The following SCFD2 variants were observed in gnomAD, a reference collection of about 807,000 sequenced individuals.
The protein encoded by SCFD2 is sec1 family domain-containing protein 2.
A neutral mutation model predicts 58.9 loss-of-function variants in SCFD2; 54 were observed. The observed-to-expected ratio is 0.92, with a 90% CI of 0.74 to 1.15. The LOEUF is 1.15. Among genes scored for constraint, SCFD2 ranks in the 50% most tolerant of loss-of-function variants. The pLI is 0.00. For missense variants in SCFD2, 805 were observed against 836.6 expected (o/e 0.96, Z 0.47); for synonymous variants, 321 against 335.9 (o/e 0.96, Z 0.49).
At chr4:52,894,573 T>G (rs758176608) in intron 7 of SCFD2, among the ~76,000 whole-genome samples, 1 of 152,222 alleles carries the variant, frequency 6.6e-6, no homozygotes, top group East Asian at 1.9e-4. Flanking sequence ...TCTAAGGAGC[T>G]CAAGGTATTC....
At chr4:53,334,361 A>G (rs1560452955) in intron 2 of SCFD2, among the ~76,000 whole-genome samples, 1 of 152,206 alleles carries the variant, frequency 6.6e-6, no homozygotes, top group Non-Finnish European at 1.5e-5. Context: ...CAAATGTCCA[A>G]CAATGACAGA....
chr4:52,875,979 A>G (rs537686788), intron 8 of SCFD2, among the ~76,000 whole-genome samples: 61 of 151,470 alleles, frequency 4.0e-4, no homozygotes, highest in South Asian at 4.2e-4. Context: ...GGCCTTCTCT[A>G]TCATCTGCAT....
chr4:53,346,734 T>C (rs1288963254), intron 2 of SCFD2, among the ~76,000 whole-genome samples: 3 of 152,228 alleles, frequency 2.0e-5, no homozygotes, highest in African/African-American at 7.2e-5. Flanking sequence ...TATAGTGTTC[T>C]GGCATTTTAA....
intron 5 of SCFD2, among the ~76,000 whole-genome samples, chr4:53,105,482 A>T (rs1448038679): frequency 6.6e-6 from 1 of 152,132 alleles, no homozygotes. Context: ...TCCACCTGGG[A>T]CCCTCGACCT....
intron 5 of SCFD2, among the ~76,000 whole-genome samples, chr4:53,002,031 TC>T (rs1721874608): frequency 6.6e-6 from 1 of 152,196 alleles, no homozygotes; most frequent in African/African-American, 2.4e-5. Context: ...AAATAACTAT[TC>T]AATAATTATT....
intron 4 of SCFD2, among the ~76,000 whole-genome samples, chr4:53,256,858 AGAGAGGGAGAGGGAGACCGTGGGGAGAGG>A (rs1730655633): frequency 7.5e-6 from 1 of 132,892 alleles, no homozygotes; most frequent in Admixed American, 7.8e-5. Flanking sequence ...GACCGTGGAA[AGAGAGGGAGAGGGAGACCGTGGGGAGAGG>A]GAGAGGGAGA....
chr4:53,171,450 G>A (rs1172965154), intron 4 of SCFD2, among the ~76,000 whole-genome samples: 2 of 152,150 alleles, frequency 1.3e-5, no homozygotes, highest in African/African-American at 2.4e-5. Flanking sequence ...TTGTGTCTGT[G>A]TTCAACAGAG....
At chr4:53,012,456 C>G (rs1324748842) in intron 5 of SCFD2, among the ~76,000 whole-genome samples, 1 of 151,964 alleles carries the variant, frequency 6.6e-6, no homozygotes, top group Non-Finnish European at 1.5e-5. Flanking sequence ...TAGGTTGGTC[C>G]TCTGTGAAGT....
At chr4:53,260,180 A>G (rs897409316) in intron 4 of SCFD2, among the ~76,000 whole-genome samples, 3 of 152,154 alleles carry the variant, frequency 2.0e-5, no homozygotes, top group African/African-American at 7.2e-5. Context: ...GCAAACAACA[A>G]GAGTTCAACT....
At chr4:52,990,506 G>A (rs1221562264) in intron 5 of SCFD2, among the ~76,000 whole-genome samples, 1 of 152,220 alleles carries the variant, frequency 6.6e-6, no homozygotes, top group Non-Finnish European at 1.5e-5. Flanking sequence ...GAGGCTGCTT[G>A]CAAAGCCATA....
intron 4 of SCFD2, among the ~76,000 whole-genome samples, chr4:53,187,710 T>A (rs1170400738): frequency 6.6e-6 from 1 of 151,896 alleles, no homozygotes; most frequent in African/African-American, 2.4e-5. Context: ...AATAACAAAA[T>A]GTGTGTAGGT....
intron 5 of SCFD2, among the ~76,000 whole-genome samples, chr4:53,036,058 ATTTAT>A (rs1269969444): frequency 1.3e-5 from 2 of 151,754 alleles, no homozygotes; most frequent in East Asian, 3.9e-4. Flanking sequence ...ATTTTATTTT[ATTTAT>A]TTTATTATTA....
chr4:53,208,982 G>A (rs1728520764), intron 4 of SCFD2, among the ~76,000 whole-genome samples: 1 of 152,054 alleles, frequency 6.6e-6, no homozygotes. Flanking sequence ...TGAATTCCCT[G>A]CTCCTGTGCA....
intron 4 of SCFD2, among the ~76,000 whole-genome samples, chr4:53,216,244 T>C (rs551652829): frequency 6.6e-6 from 1 of 152,340 alleles, no homozygotes; most frequent in African/African-American, 2.4e-5. Context: ...CTTGTATCTC[T>C]GGTAGAATTC....
chr4:53,103,295 T>A (rs1220451889), intron 5 of SCFD2, among the ~76,000 whole-genome samples: 2 of 151,904 alleles, frequency 1.3e-5, no homozygotes, highest in Non-Finnish European at 2.9e-5. Context: ...TGAGTAGGGG[T>A]TGGGAGTCTG....
chr4:53,365,407 G>T lies in SCFD2; in HGVS notation c.535C>A (p.Leu179Met). Residue 179 changes from leucine (L) to methionine (M), a missense_variant, in exon 1 of 9, where the codon CTG becomes ATG. By Grantham distance (15) the Leu-to-Met change is conservative (BLOSUM62 2). Around this residue, in one of 3 missense-constraint regions of SCFD2, gnomAD observed 633 missense variants for 646.8 expected, o/e 0.98. Coordinates refer to ENST00000401642, the MANE Select transcript of SCFD2 (RefSeq NM_152540.4). This position sits in a 1 kb window ranked among gnomAD's most constrained non-coding sequence, Gnocchi z 4.3. ...LTPAFASLFP[L>M]LPQDVHLLNS... ...AGGAGGTGCACATCCTGGGGTAGCA[G>T]TGGGAAAAGGGATGCAAAAGCTGGA... is the stretch of plus-strand genomic sequence containing the variant. 6.2e-7 allele frequency: 1 copy of T among 1,614,204 alleles called. No homozygotes were observed. The highest frequency in any genetic ancestry group is 1.1e-5 in the South Asian group (1 of 91,084).
At chr4:53,306,418 G>A (rs546846137) in intron 3 of SCFD2, among the ~76,000 whole-genome samples, 5 of 152,204 alleles carry the variant, frequency 3.3e-5, no homozygotes, top group East Asian at 1.9e-4. Flanking sequence ...CAAAGAAGAC[G>A]TGATCAGATG....
rs1420352949 is a variant in SCFD2, at chr4:52,990,832, A to G, written c.1562-69962T>C. On this transcript the variant is annotated intron_variant, in intron 5 of 8. Transcript: ENST00000401642. ...TTTCCAACAAAAGAGAAATGCAGTA[A>G]TGATAAAGAAACTGTCCACTCTTGT... Among the ~76,000 whole-genome samples the G allele has an allele frequency of 5.9e-5, 9 of 152,324 alleles. No homozygotes were observed. The East Asian group carries it at 1.2e-3, about 20-fold the overall frequency.
At chr4:52,876,628 C>T (rs1278728811) in intron 8 of SCFD2, among the ~76,000 whole-genome samples, 1 of 151,872 alleles carries the variant, frequency 6.6e-6, no homozygotes, top group East Asian at 1.9e-4. Flanking sequence ...TGCATGCCTG[C>T]AGTCCCAGCT....
Sources: allele counts gnomAD v4.1 joint callset (sites outside exome capture counted in the v4.1 genomes callset), GRCh38; gene constraint gnomAD v4.1.1; regional missense constraint gnomAD v4.1.1; non-coding constraint Gnocchi (gnomAD v3.1); transcripts MANE v1.5; gene names NCBI Gene and HGNC (gene_info 2026-07-23, HGNC 2026-07-21).